DEDD2: variants seen among roughly 807,000 people sequenced by gnomAD.
DEDD2 encodes DNA-binding death effector domain-containing protein 2.
In DEDD2, 18 loss-of-function variants were observed where a neutral mutation model predicts 28.9. That is an observed-to-expected ratio of 0.62 (90% CI 0.43 to 0.92). DEDD2 has a LOEUF of 0.92. Among genes scored for constraint, DEDD2 ranks in the 40% least tolerant of loss-of-function variants. DEDD2 has a pLI of 0.00. For missense variants in DEDD2, 411 were observed against 463.3 expected (o/e 0.89, Z 1.04); for synonymous variants, 211 against 206.1 (o/e 1.02, Z -0.20).
rs1436162858 is a variant in DEDD2 at position 42,212,423 on chromosome 19, T to C, written c.449-2583A>G. Among the ~76,000 whole-genome samples, 6 of 151,238 alleles carry C rather than the reference T, an allele frequency of 4.0e-5. No homozygotes were observed. The East Asian group carries it at 1.2e-3, about 29-fold the overall frequency. ...TGTTTAGAGTGGGGATCTCGTTCTG[T>C]TGCCCGGGCTGGAGTCCAGTGGCAT... is the stretch of plus-strand genomic sequence containing the variant. On this transcript the variant is annotated intron_variant, in intron 3 of 4. Transcript: ENST00000596251.
At chr19:42,209,558 G>A (rs1328621063) in intron 4 of DEDD2, 142 bp downstream of exon 4, 2 of 1,254,804 alleles carry the variant, frequency 1.6e-6, no homozygotes, top group Non-Finnish European at 1.1e-6. Context: ...CGAGAGAAAG[G>A]ACAAGAATTC....
chr19:42,214,495 G>A (rs958059145), intron 3 of DEDD2, among the ~76,000 whole-genome samples: 2 of 152,090 alleles, frequency 1.3e-5, no homozygotes, highest in Admixed American at 6.5e-5. Flanking sequence ...TGGCATGATG[G>A]CTCATGCCTG....
rs916236879 is a variant in DEDD2 at position 42,199,868 on chromosome 19, C to T, written c.590-39G>A. ...AGGGATTTGTCAGGGAGGGGGCCAA[C>T]ACTAGACACACTTATGGGGAACGCC... On this transcript the variant is annotated intron_variant, in intron 4 of 4. Transcript: ENST00000596251. The surrounding 1 kb of genome is among the most constrained non-coding windows in gnomAD (Gnocchi z 7.4). 1 of 1,539,238 alleles carries T rather than the reference C, an allele frequency of 6.5e-7. No individual in the cohort carries two copies. Among genetic ancestry groups the T allele is most frequent in the Non-Finnish European group, 8.8e-7 (1 of 1,140,734 alleles).
chr19:42,201,748 C>A, intron 4 of DEDD2: 1 of 370,212 alleles, frequency 2.7e-6, no homozygotes, highest in Non-Finnish European at 4.8e-6. Flanking sequence ...ATCCTCTCCA[C>A]CCAACGCCCA....
intron 4 of DEDD2, among the ~76,000 whole-genome samples, chr19:42,208,327 C>G (rs2035615159): frequency 6.6e-6 from 1 of 151,112 alleles, no homozygotes. Flanking sequence ...TCCTTATTTC[C>G]TAGGTCACTT....
At chr19:42,211,665 CTATT>C (rs1438015185) in intron 3 of DEDD2, among the ~76,000 whole-genome samples, 1 of 152,096 alleles carries the variant, frequency 6.6e-6, no homozygotes, top group Non-Finnish European at 1.5e-5. Context: ...TATTTTGATG[CTATT>C]TAATTACTGT....
chr19:42,201,652 C>T (rs1201229104), intron 4 of DEDD2: 1 of 220,762 alleles, frequency 4.5e-6, no homozygotes, highest in South Asian at 1.8e-4. Context: ...AATGCAGGGC[C>T]CCTGCTCCCC....
intron 4 of DEDD2, among the ~76,000 whole-genome samples, chr19:42,207,309 G>A (rs1396496345): frequency 6.6e-6 from 1 of 152,206 alleles, no homozygotes; most frequent in Non-Finnish European, 1.5e-5. Flanking sequence ...GGCACTAGGA[G>A]GGGGCAGGTG....
intron 4 of DEDD2, among the ~76,000 whole-genome samples, chr19:42,208,833 T>C (rs2146880327): frequency 6.6e-6 from 1 of 152,382 alleles, no homozygotes; most frequent in East Asian, 1.9e-4. Context: ...CAAACCCTCG[T>C]ACAGCGTGTG....
chr19:42,211,158 G>A (rs535819433), intron 3 of DEDD2, among the ~76,000 whole-genome samples: 4 of 151,612 alleles, frequency 2.6e-5, no homozygotes, highest in East Asian at 3.9e-4. Flanking sequence ...CCCAGCCTAC[G>A]CCCTAGGAGT....
intron 4 of DEDD2, among the ~76,000 whole-genome samples, chr19:42,205,411 C>T (rs1415461252): frequency 6.6e-6 from 1 of 152,054 alleles, no homozygotes; most frequent in East Asian, 1.9e-4. Context: ...GGGTGGATCA[C>T]CTGAGGTCGG....
rs2035240150 is a variant in DEDD2, at chr19:42,199,561, C to T, written c.858G>A (p.Glu286=). Residue 286 remains glutamate (E), a synonymous_variant, in exon 5 of 5, where the codon GAG becomes GAA. Coordinates refer to ENST00000596251, the MANE Select transcript of DEDD2 (RefSeq NM_133328.4). The surrounding 1 kb of genome is among the most constrained non-coding windows in gnomAD (Gnocchi z 7.4). The part of the protein sequence containing the change: ...RGVFLTEALR[E]AVGREAVRLL... ...GGCGAACAGCCTCCCGGCCCACAGC[C>T]TCTCGCAGGGCCTCAGTCAGGAACA... 1.9e-6 allele frequency: 3 copies of T among 1,614,118 alleles called. No homozygotes were observed. The highest frequency in any genetic ancestry group is 1.1e-5 in the South Asian group (1 of 91,084).
intron 4 of DEDD2, among the ~76,000 whole-genome samples, chr19:42,207,120 G>A (rs748188439): frequency 2.0e-5 from 3 of 152,102 alleles, no homozygotes; most frequent in East Asian, 1.9e-4. Flanking sequence ...TGGCTGATTC[G>A]AGGGGGAGTC....
At chr19:42,219,685 G>A (rs576221711), upstream of DEDD2, among the ~76,000 whole-genome samples, 24 of 152,362 alleles carry the variant, frequency 1.6e-4, no homozygotes, top group African/African-American at 5.5e-4. Flanking sequence ...GGATGGCAAT[G>A]GTAAGCTACG....
At chr19:42,201,980 C>G in intron 4 of DEDD2, 1 of 398,760 alleles carries the variant, frequency 2.5e-6, no homozygotes, top group Non-Finnish European at 4.4e-6. Flanking sequence ...GTGGCGGAGT[C>G]CAACAGACCT....
intron 4 of DEDD2, among the ~76,000 whole-genome samples, chr19:42,201,054 G>A (rs889893107): frequency 6.6e-6 from 1 of 152,206 alleles, no homozygotes; most frequent in Admixed American, 6.5e-5. Flanking sequence ...TATCTGCCAG[G>A]CGCCAAGTGC....
intron 4 of DEDD2, among the ~76,000 whole-genome samples, chr19:42,201,212 A>G (rs1367347049): frequency 5.2e-5 from 8 of 152,388 alleles, no homozygotes; most frequent in Non-Finnish European, 8.8e-5. Context: ...AGTGCCTGAC[A>G]GAGGTCATTT....
intron 4 of DEDD2, among the ~76,000 whole-genome samples, chr19:42,208,845 CG>C (rs2035635111): frequency 6.6e-6 from 1 of 152,220 alleles, no homozygotes; most frequent in African/African-American, 2.4e-5. Flanking sequence ...CAGCGTGTGC[CG>C]GGTTGGGCAC....
chr19:42,212,941 G>C (rs985972946), intron 3 of DEDD2, among the ~76,000 whole-genome samples: 1 of 152,130 alleles, frequency 6.6e-6, no homozygotes, highest in East Asian at 1.9e-4. Flanking sequence ...TTTTTGAAAA[G>C]TCAAGTCTCT....
Sources: allele counts gnomAD v4.1 joint callset (sites outside exome capture counted in the v4.1 genomes callset), GRCh38; gene constraint gnomAD v4.1.1; non-coding constraint Gnocchi (gnomAD v3.1); transcripts MANE v1.5; gene names NCBI Gene and HGNC (gene_info 2026-07-23, HGNC 2026-07-21).